The following MED13L variants were observed in gnomAD, a reference collection of about 807,000 sequenced individuals.
MED13L encodes mediator of RNA polymerase II transcription subunit 13-like.
A neutral mutation model predicts 220.9 loss-of-function variants in MED13L; 7 were observed. The observed-to-expected ratio is 0.03, with a 90% CI of 0.02 to 0.06. The LOEUF is 0.06. Among genes scored for constraint, MED13L ranks in the 10% least tolerant of loss-of-function variants. The probability of loss-of-function intolerance (pLI) is 1.00; values close to 1 mark genes in which losing one functional copy is unlikely to be tolerated. For synonymous variants in MED13L, 1,011 were observed against 1,015.2 expected (o/e 1.00, Z 0.08); for missense variants, 1,965 against 2,760.5 (o/e 0.71, Z 6.46).
intron 2 of MED13L, among the ~76,000 whole-genome samples, chr12:116,206,270 G>C (rs948618990): frequency 6.6e-6 from 1 of 151,526 alleles, no homozygotes; most frequent in South Asian, 2.1e-4. Flanking sequence ...TAGTAGAGAC[G>C]GTGTTTCACC....
intron 7 of MED13L, 50 bp downstream of exon 7, chr12:116,019,174 A>G: frequency 6.4e-7 from 1 of 1,564,774 alleles, no homozygotes; most frequent in Non-Finnish European, 8.7e-7. Context: ...GGTAGACTAT[A>G]CAATTGTCTG....
At chr12:116,227,775 G>A (rs1367362470) in intron 2 of MED13L, among the ~76,000 whole-genome samples, 1 of 152,086 alleles carries the variant, frequency 6.6e-6, no homozygotes, top group Non-Finnish European at 1.5e-5. Flanking sequence ...GCCATTAAAT[G>A]TTCAAGTGAA....
At chr12:116,023,363 T>C (rs1049285616) in intron 4 of MED13L, among the ~76,000 whole-genome samples, 1 of 152,180 alleles carries the variant, frequency 6.6e-6, no homozygotes, top group Non-Finnish European at 1.5e-5. Context: ...AATTGTAACT[T>C]TGGCCCTAAG....
chr12:115,986,549 T>C (rs1221792829), intron 18 of MED13L, 60 bp from the exon 19 acceptor site: 6 of 1,504,052 alleles, frequency 4.0e-6, no homozygotes, highest in East Asian at 2.3e-5. Flanking sequence ...CCTTACAATT[T>C]TGAAATTCCT....
At chr12:116,178,936 A>C (rs1255874277) in intron 2 of MED13L, among the ~76,000 whole-genome samples, 1 of 152,204 alleles carries the variant, frequency 6.6e-6, no homozygotes, top group Non-Finnish European at 1.5e-5. Flanking sequence ...AGCAAATCAA[A>C]GTGTATTAGA....
chr12:116,169,410 A>G (rs1020963571), intron 2 of MED13L, among the ~76,000 whole-genome samples: 3 of 152,182 alleles, frequency 2.0e-5, no homozygotes, highest in Non-Finnish European at 2.9e-5. Flanking sequence ...TTCTGGAAAT[A>G]TAACTAATAT....
chr12:116,231,511 T>C (rs1374201370), intron 2 of MED13L, among the ~76,000 whole-genome samples: 1 of 152,064 alleles, frequency 6.6e-6, no homozygotes, highest in Non-Finnish European at 1.5e-5. Context: ...CCAAGACAAC[T>C]TCAGGAATAT....
At chr12:116,005,202 T>A (rs187041454) in intron 13 of MED13L, among the ~76,000 whole-genome samples, 68 of 152,320 alleles carry the variant, frequency 4.5e-4, no homozygotes, top group Admixed American at 9.8e-4. Context: ...AGAGCCTATC[T>A]TACTCATCTC....
intron 30 of MED13L, among the ~76,000 whole-genome samples, chr12:115,961,871 T>G (rs1241319285): frequency 1.3e-5 from 2 of 152,042 alleles, no homozygotes; most frequent in African/African-American, 4.8e-5. Flanking sequence ...CTTGGGAGGC[T>G]GAGGCAGGAG....
chr12:116,179,448 A>G (rs1448757762), intron 2 of MED13L, among the ~76,000 whole-genome samples: 1 of 152,096 alleles, frequency 6.6e-6, no homozygotes, highest in African/African-American at 2.4e-5. Flanking sequence ...CATCTCTACT[A>G]AAAATCAAAA....
intron 2 of MED13L, among the ~76,000 whole-genome samples, chr12:116,146,060 A>T (rs1282138119): frequency 6.6e-6 from 1 of 152,240 alleles, no homozygotes; most frequent in East Asian, 1.9e-4. Flanking sequence ...AACGGCTTTG[A>T]CTGCAGCCCA....
rs762282473 is a variant in MED13L at position 116,237,456 on chromosome 12, C to CA, written c.310+11dup. The CA allele has an allele frequency of 3.8e-6, 6 of 1,582,732 alleles. No homozygotes were observed. Among genetic ancestry groups the CA allele is most frequent in the Non-Finnish European group, 5.2e-6 (6 of 1,151,600 alleles). On this transcript the variant is annotated intron_variant, in intron 2 of 30. Transcript: ENST00000281928. ...ATGCAAATAATTTTTAAGAAAAAAA[C>CA]AGAAACCTTACCCTGCAGTTCATGA... is the stretch of plus-strand genomic sequence containing the variant.
At chr12:116,178,039 T>C (rs1371352167) in intron 2 of MED13L, among the ~76,000 whole-genome samples, 1 of 151,616 alleles carries the variant, frequency 6.6e-6, no homozygotes, top group African/African-American at 2.4e-5. Context: ...TGCTTGTTTG[T>C]TTGTTTGTTT....
chr12:116,015,430 T>C (rs543539348), intron 7 of MED13L, among the ~76,000 whole-genome samples, 156 bp from the exon 8 acceptor site: 3 of 152,348 alleles, frequency 2.0e-5, no homozygotes, highest in South Asian at 2.1e-4. Flanking sequence ...TCTATAATCA[T>C]GAGTAAAATT....
At chr12:116,009,957 G>A (rs966264867) in intron 9 of MED13L, among the ~76,000 whole-genome samples, 5 of 152,126 alleles carry the variant, frequency 3.3e-5, no homozygotes, top group African/African-American at 7.2e-5. Context: ...AATCATTCCC[G>A]GGGAAAAATA....
chr12:116,252,672 A>T (rs977653821), intron 1 of MED13L, among the ~76,000 whole-genome samples: 1 of 152,130 alleles, frequency 6.6e-6, no homozygotes, highest in African/African-American at 2.4e-5. Context: ...ATATTAATAG[A>T]TAAGACATAA....
chr12:116,102,744 C>T (rs531456144), intron 3 of MED13L, among the ~76,000 whole-genome samples: 80 of 75,570 alleles, frequency 1.1e-3, no homozygotes, highest in African/African-American at 3.6e-3. Flanking sequence ...TTTTTTGATA[C>T]GGAGTCTCAC....
In MED13L at chr12:115,973,135, A is replaced by C. The variant is rs371932475; in HGVS notation, c.5732-899T>G. On this transcript the variant is annotated intron_variant, in intron 25 of 30. Transcript: ENST00000281928. ...ACCCCAAACTGAAGTGGCTGAAATA[A>C]AAGTGGCCAGGAACATGAAGAATGT... Among the ~76,000 whole-genome samples, 7 of 152,344 alleles carry C rather than the reference A, an allele frequency of 4.6e-5. 1 individual carries two copies. The South Asian group carries it at 1.5e-3, about 32-fold the overall frequency.
chr12:116,097,661 T>A (rs1347475803), intron 3 of MED13L, among the ~76,000 whole-genome samples: 1 of 152,348 alleles, frequency 6.6e-6, no homozygotes, highest in Admixed American at 6.5e-5. Context: ...ATAATGAATA[T>A]CTGCTTTATT....
Sources: allele counts gnomAD v4.1 joint callset (sites outside exome capture counted in the v4.1 genomes callset), GRCh38; gene constraint gnomAD v4.1.1; transcripts MANE v1.5; gene names NCBI Gene and HGNC (gene_info 2026-07-23, HGNC 2026-07-21).